CFAP54: variants seen among roughly 807,000 people sequenced by gnomAD.
CFAP54 encodes the protein cilia and flagella associated protein 54.
CFAP54 carries 290 observed loss-of-function variants against 370.4 expected under a neutral mutation model. The observed-to-expected ratio is 0.78, with a 90% CI of 0.71 to 0.86. CFAP54 has a LOEUF of 0.86. Ranked by LOEUF, CFAP54 falls within the 40% of genes least tolerant of loss-of-function variation. The probability of loss-of-function intolerance (pLI) is 0.00; values close to 1 mark genes in which losing one functional copy is unlikely to be tolerated. For synonymous variants in CFAP54, 1,206 were observed against 1,236.5 expected, an observed-to-expected ratio of 0.98 and a Z score of 0.52; for missense variants, 3,399 against 3,528.7, an observed-to-expected ratio of 0.96 and a Z score of 0.93.
intron 64 of CFAP54, among the ~76,000 whole-genome samples, chr12:96,812,205 G>C (rs1047975023): frequency 6.6e-6 from 1 of 152,198 alleles, no homozygotes; most frequent in African/African-American, 2.4e-5. Context: ...CAAGGATGTT[G>C]TCTGTACTAT....
chr12:96,685,559 T>G (rs1485311371), intron 42 of CFAP54, among the ~76,000 whole-genome samples: 2 of 3,076 alleles, frequency 6.5e-4, no homozygotes, highest in Non-Finnish European at 8.3e-4. Flanking sequence ...GTTGTTTGGG[T>G]TTTTTTTTTT....
At chr12:96,610,644 G>A (rs1956348394) in intron 26 of CFAP54, among the ~76,000 whole-genome samples, 1 of 152,194 alleles carries the variant, frequency 6.6e-6, no homozygotes, top group African/African-American at 2.4e-5. Context: ...CTAGCCAAGG[G>A]AAGCTATGAC....
chr12:96,698,971 A>G (rs941966294), intron 45 of CFAP54, among the ~76,000 whole-genome samples: 1 of 152,180 alleles, frequency 6.6e-6, no homozygotes, highest in Non-Finnish European at 1.5e-5. Context: ...TCTTGGGTCC[A>G]AATGTCCCCT....
intron 31 of CFAP54, 35 bp downstream of exon 31, chr12:96,630,239 G>T (rs1592894455): frequency 2.8e-6 from 1 of 357,244 alleles, no homozygotes; most frequent in South Asian, 2.9e-5. Context: ...TTTAGGTAAT[G>T]AAATTAAGAG....
intron 26 of CFAP54, among the ~76,000 whole-genome samples, chr12:96,611,407 C>G (rs1956357007): frequency 6.6e-6 from 1 of 152,144 alleles, no homozygotes; most frequent in African/African-American, 2.4e-5. Flanking sequence ...CATCAAAGAC[C>G]AAAGTTACAT....
chr12:96,586,482 G>T (rs1351578593), intron 22 of CFAP54, among the ~76,000 whole-genome samples: 1 of 152,172 alleles, frequency 6.6e-6, no homozygotes, highest in Non-Finnish European at 1.5e-5. Flanking sequence ...ATTAAATAGG[G>T]TGATCAAGGA....
intron 26 of CFAP54, among the ~76,000 whole-genome samples, chr12:96,601,546 C>G (rs146119643): frequency 0.013 from 1,915 of 152,236 alleles, 23 homozygotes; most frequent in Middle Eastern, 0.017. Flanking sequence ...GCTCCTCCTT[C>G]TACCTCTGGT....
At chr12:96,649,505 CCA>C (rs1475261400) in intron 34 of CFAP54, among the ~76,000 whole-genome samples, 1 of 152,136 alleles carries the variant, frequency 6.6e-6, no homozygotes, top group East Asian at 1.9e-4. Flanking sequence ...TTGCCTAACT[CCA>C]GAGGTGCAGC....
rs1957441265 is a variant in CFAP54 at position 96,696,499 on chromosome 12, A to G, written c.6351+2691A>G. ...TGGCTAGATGACTTTTTTTTTAATC[A>G]TATTGTTAGCACTTGGTAGCTGTTT... On this transcript the variant is annotated intron_variant, in intron 45 of 67. Transcript: ENST00000524981. Among the ~76,000 whole-genome samples, 2 of 152,240 alleles carry G rather than the reference A, an allele frequency of 1.3e-5. 1 individual carries two copies. The highest frequency in any genetic ancestry group is 4.1e-4 in the South Asian group (2 of 4,824).
At chr12:96,575,662 G>A (rs1955967468) in intron 19 of CFAP54, among the ~76,000 whole-genome samples, 1 of 151,996 alleles carries the variant, frequency 6.6e-6, no homozygotes, top group Non-Finnish European at 1.5e-5. Context: ...GTAACTCAAG[G>A]TCACAAAGAT....
chr12:96,521,397 A>G lies in CFAP54; in HGVS notation c.943-460A>G, dbSNP rs1010938777. On this transcript the variant is annotated intron_variant, in intron 6 of 67. Coordinates refer to ENST00000524981, the MANE Select transcript of CFAP54 (RefSeq NM_001306084.2). ...GCGTATTGGAGACACAAAAATGAGT[A>G]AGATCCTTTCAGGAAGTCACAATTT... Among the ~76,000 whole-genome samples, 3 of 152,326 alleles carry G rather than the reference A, an allele frequency of 2.0e-5. No homozygotes were observed. In the South Asian group the frequency reaches 6.2e-4, roughly 32 times the overall value.
chr12:96,629,951 T>C (rs12321545), intron 30 of CFAP54, 142 bp from the exon 31 acceptor site: 4,571 of 418,056 alleles, frequency 0.011, 57 homozygotes, highest in African/African-American at 0.036. Context: ...AACAGAGATA[T>C]CACAGTCAAA....
intron 48 of CFAP54, among the ~76,000 whole-genome samples, chr12:96,716,944 G>C (rs777266689): frequency 5.9e-5 from 9 of 152,148 alleles, no homozygotes; most frequent in Non-Finnish European, 1.3e-4. Flanking sequence ...TGGGGTTCCT[G>C]TTTTGTTGGT....
intron 12 of CFAP54, among the ~76,000 whole-genome samples, chr12:96,537,993 C>T (rs780234804): frequency 6.6e-5 from 10 of 151,896 alleles, no homozygotes; most frequent in Non-Finnish European, 1.0e-4. Flanking sequence ...GAAGCTGAGG[C>T]ACGAGAATCG....
intron 45 of CFAP54, among the ~76,000 whole-genome samples, chr12:96,697,024 G>A (rs1439044120): frequency 6.6e-6 from 1 of 152,190 alleles, no homozygotes; most frequent in Non-Finnish European, 1.5e-5. Flanking sequence ...AGCTGGCCTG[G>A]CTTCACTTTA....
intron 61 of CFAP54, 36 bp downstream of exon 61, chr12:96,784,926 C>G (rs775356514): frequency 3.7e-6 from 5 of 1,338,820 alleles, no homozygotes; most frequent in Middle Eastern, 1.9e-4. Flanking sequence ...GAACATATTT[C>G]TTTCTAATTC....
At chr12:96,757,202 C>T (rs927799581) in intron 57 of CFAP54, among the ~76,000 whole-genome samples, 2 of 152,146 alleles carry the variant, frequency 1.3e-5, no homozygotes, top group African/African-American at 4.8e-5. Flanking sequence ...GTCTTGTGTG[C>T]TAGAATATTC....
At chr12:96,500,569 T>C (rs2136347447) in intron 1 of CFAP54, among the ~76,000 whole-genome samples, 1 of 152,286 alleles carries the variant, frequency 6.6e-6, no homozygotes, top group South Asian at 2.1e-4. Flanking sequence ...AATCTCAGAA[T>C]CTTCTGCTCA....
At chr12:96,726,426 T>G (rs1037768036) in intron 50 of CFAP54, among the ~76,000 whole-genome samples, 24 of 152,354 alleles carry the variant, frequency 1.6e-4, no homozygotes, top group Admixed American at 2.6e-4. Context: ...GTGGAGGAAT[T>G]TATCCATTTC....
Sources: gnomAD v4.1 joint callset for allele counts (sites outside exome capture counted in the v4.1 genomes callset) on GRCh38, gnomAD v4.1.1 for gene constraint, MANE v1.5 for transcripts, NCBI Gene and HGNC (gene_info 2026-07-23, HGNC 2026-07-21) for gene names.